Variants in PDZRN4 observed in about 807,000 individuals in gnomAD.
PDZRN4 encodes the protein PDZ domain-containing RING finger protein 4.
PDZRN4 carries 70 observed loss-of-function variants against 99.0 expected under a neutral mutation model. The ratio of observed to expected loss-of-function variants is 0.71; its 90% CI spans 0.58 to 0.86. PDZRN4 has a LOEUF of 0.86. Among genes scored for constraint, PDZRN4 ranks in the 40% least tolerant of loss-of-function variants. PDZRN4 has a pLI of 0.00. For synonymous variants in PDZRN4, 551 were observed against 501.6 expected (o/e 1.10, Z -1.32); for missense variants, 1,474 against 1,331.2 (o/e 1.11, Z -1.67).
chr12:41,484,758 A>T (rs1937742413), intron 3 of PDZRN4, among the ~76,000 whole-genome samples: 1 of 152,152 alleles, frequency 6.6e-6, no homozygotes, highest in Non-Finnish European at 1.5e-5. Flanking sequence ...AACCCTTATG[A>T]TTCTGTCTCC....
chr12:41,222,647 T>C (rs923207577), intron 3 of PDZRN4, among the ~76,000 whole-genome samples: 8 of 152,054 alleles, frequency 5.3e-5, no homozygotes, highest in Non-Finnish European at 8.8e-5. Flanking sequence ...GCCTCCCAAG[T>C]AGCTGGGATT....
intron 3 of PDZRN4, among the ~76,000 whole-genome samples, chr12:41,468,360 A>G (rs1437929925): frequency 1.3e-5 from 2 of 152,218 alleles, no homozygotes; most frequent in African/African-American, 2.4e-5. Context: ...TCACCCATAC[A>G]TAGGAGGGAA....
chr12:41,191,628 G>A (rs973818588), intron 2 of PDZRN4, 84 bp downstream of exon 2: 1 of 641,208 alleles, frequency 1.6e-6, no homozygotes, highest in South Asian at 2.1e-5. Context: ...AATAATAGAG[G>A]ACTTAGCTTT....
At chr12:41,344,992 A>G (rs1205209768) in intron 3 of PDZRN4, among the ~76,000 whole-genome samples, 2 of 152,262 alleles carry the variant, frequency 1.3e-5, no homozygotes, top group East Asian at 1.9e-4. Context: ...GAGAATCCCA[A>G]CAATCAAGCG....
At chr12:41,425,358 G>A (rs1952526681) in intron 3 of PDZRN4, among the ~76,000 whole-genome samples, 2 of 151,346 alleles carry the variant, frequency 1.3e-5, no homozygotes, top group South Asian at 2.1e-4. Flanking sequence ...TAGCCAAGGA[G>A]TAGGAGGAAA....
chr12:41,449,315 CA>C (rs1268039449), intron 3 of PDZRN4, among the ~76,000 whole-genome samples: 1 of 152,086 alleles, frequency 6.6e-6, no homozygotes, highest in Non-Finnish European at 1.5e-5. Context: ...ATTGTTTTCT[CA>C]GTTTACTTGC....
chr12:41,506,578 G>T lies in PDZRN4; in HGVS notation c.966G>T (p.Gly322=). Residue 322 remains glycine (G), a synonymous_variant, in exon 4 of 10, where the codon GGG becomes GGT. Transcript: ENST00000402685. ...RRTPLSRPAY[G]MASEVQLMNA... is the part of the protein sequence containing the mutation. ...CACCTCTTAGTAGACCAGCCTATGGGATGGCTTCAGAAGTGCAGCTTATGA... is the reference window on the plus strand; with the variant it reads ...CACCTCTTAGTAGACCAGCCTATGGTATGGCTTCAGAAGTGCAGCTTATGA... 1 of 1,613,920 alleles carries T rather than the reference G, an allele frequency of 6.2e-7. No individual in the cohort carries two copies. Among genetic ancestry groups the T allele is most frequent in the South Asian group, 1.1e-5 (1 of 91,074 alleles).
At chr12:41,197,017 T>C (rs73117091) in intron 3 of PDZRN4, among the ~76,000 whole-genome samples, 4,488 of 152,052 alleles carry the variant, frequency 0.03, 189 homozygotes, top group African/African-American at 0.089. Flanking sequence ...ATCTGACACA[T>C]TACTAAATGC....
At chr12:41,546,838 T>C (rs1003914675) in intron 5 of PDZRN4, among the ~76,000 whole-genome samples, 1 of 152,164 alleles carries the variant, frequency 6.6e-6, no homozygotes, top group African/African-American at 2.4e-5. Flanking sequence ...GTGCTTAACA[T>C]TGCTATTTTT....
chr12:41,430,972 C>T (rs188098207), intron 3 of PDZRN4, among the ~76,000 whole-genome samples: 36 of 152,162 alleles, frequency 2.4e-4, no homozygotes, highest in East Asian at 3.9e-4. Context: ...AGTGGTGCTA[C>T]GGACTTTTAA....
intron 3 of PDZRN4, among the ~76,000 whole-genome samples, chr12:41,402,137 ATATACACACACTGAG>A (rs1392594828): frequency 4.4e-5 from 2 of 45,890 alleles, no homozygotes; most frequent in East Asian, 4.5e-4. Flanking sequence ...ATATATATAT[ATATACACACACTGAG>A]TATATATATA....
At position 41,486,485 on chromosome 12, in the gene PDZRN4, A is replaced by G. The variant is rs543650323; in HGVS notation, c.844-19971A>G. ...CAAAAGTGGAATCAAACAAGATTCT[A>G]TATAATGCATCATGCTGGGCACAGA... On this transcript the variant is annotated intron_variant, in intron 3 of 9. Transcript: ENST00000402685. Among the ~76,000 whole-genome samples, 5 of 152,288 alleles carry G rather than the reference A, an allele frequency of 3.3e-5. No homozygotes were observed. The South Asian group carries it at 1.0e-3, about 32-fold the overall frequency.
chr12:41,425,386 C>T (rs1269753828), intron 3 of PDZRN4, among the ~76,000 whole-genome samples: 8 of 151,512 alleles, frequency 5.3e-5, no homozygotes, highest in Non-Finnish European at 8.8e-5. Flanking sequence ...CCTTCCTACA[C>T]ACTGGGGCAG....
At chr12:41,201,364 T>C (rs1229540404) in intron 3 of PDZRN4, among the ~76,000 whole-genome samples, 2 of 152,094 alleles carry the variant, frequency 1.3e-5, no homozygotes, top group African/African-American at 4.8e-5. Flanking sequence ...ATACTATCTT[T>C]TCTTCTCCAT....
chr12:41,428,401 C>T (rs764997911), intron 3 of PDZRN4, among the ~76,000 whole-genome samples: 4 of 152,010 alleles, frequency 2.6e-5, no homozygotes, highest in Admixed American at 1.3e-4. Context: ...AGATCTGGGA[C>T]CTTTATATAC....
At chr12:41,409,334 G>A (rs1031513946) in intron 3 of PDZRN4, 3 of 151,934 alleles carry the variant, frequency 2.0e-5, no homozygotes, top group African/African-American at 7.3e-5. Context: ...ACTCTGGTAG[G>A]TGCAAAATTC....
chr12:41,365,108 T>C (rs1592029248), intron 3 of PDZRN4, among the ~76,000 whole-genome samples: 2 of 152,060 alleles, frequency 1.3e-5, no homozygotes, highest in East Asian at 3.9e-4. Flanking sequence ...AGTTTCAGAT[T>C]TTTTTCTCGA....
intron 5 of PDZRN4, among the ~76,000 whole-genome samples, chr12:41,546,528 T>C (rs889321603): frequency 7.2e-5 from 11 of 152,224 alleles, no homozygotes; most frequent in Admixed American, 5.9e-4. Flanking sequence ...GCACAGGACC[T>C]AGAAGAACAT....
At position 41,382,775 on chromosome 12, in the gene PDZRN4, A is replaced by G. The variant is rs538908785; in HGVS notation, c.844-123681A>G. ...AATGTGTTTCTACAACTATTCTTTT[A>G]ATTTATATCTCCATTTATAGCTGTA... is the stretch of plus-strand genomic sequence containing the variant. On this transcript the variant is annotated intron_variant, in intron 3 of 9. Transcript: ENST00000402685. Among the ~76,000 whole-genome samples, 6 of 152,228 alleles carry G rather than the reference A, an allele frequency of 3.9e-5. No homozygotes were observed. The Middle Eastern group carries it at 0.02, about 518-fold the overall frequency.
Sources: allele counts gnomAD v4.1 joint callset (sites outside exome capture counted in the v4.1 genomes callset), GRCh38; gene constraint gnomAD v4.1.1; transcripts MANE v1.5; gene names NCBI Gene and HGNC (gene_info 2026-07-23, HGNC 2026-07-21).